ATP13A5: variants seen among roughly 807,000 people sequenced by gnomAD.
ATP13A5 encodes probable cation-transporting ATPase 13A5.
ATP13A5 carries 149 observed loss-of-function variants against 150.2 expected under a neutral mutation model. The observed-to-expected ratio is 0.99, with a 90% CI of 0.87 to 1.14. The LOEUF is 1.14. Among genes scored for constraint, ATP13A5 ranks in the 50% most tolerant of loss-of-function variants. The probability of loss-of-function intolerance (pLI) is 0.00; values close to 1 mark genes in which losing one functional copy is unlikely to be tolerated. For missense variants in ATP13A5, 1,383 were observed against 1,449.3 expected, an observed-to-expected ratio of 0.95 and a Z score of 0.74; for synonymous variants, 497 against 522.2, an observed-to-expected ratio of 0.95 and a Z score of 0.66.
chr3:193,334,909 C>CA lies in ATP13A5; in HGVS notation c.1114+19dup. 6.3e-7 allele frequency: 1 copy of CA among 1,599,520 alleles called. No homozygotes were observed. Among genetic ancestry groups the CA allele is most frequent in the Non-Finnish European group, 8.5e-7 (1 of 1,170,008 alleles). The stretch of plus-strand genomic sequence containing the variant: ...CATGTTCAAGCATGAATTAAACTTA[C>CA]AAAAGTGGAATCCACTAACCTGTTT... On this transcript the variant is annotated intron_variant, in intron 10 of 29. Coordinates refer to ENST00000342358, the MANE Select transcript of ATP13A5 (RefSeq NM_198505.4).
intron 15 of ATP13A5, 146 bp downstream of exon 15, chr3:193,322,345 A>C: frequency 1.4e-6 from 1 of 693,514 alleles, no homozygotes; most frequent in Admixed American, 2.4e-5. Context: ...TAATAGACAA[A>C]TTCGGAAATG....
intron 7 of ATP13A5, among the ~76,000 whole-genome samples, chr3:193,350,291 C>T (rs1326567216): frequency 1.3e-5 from 2 of 151,844 alleles, no homozygotes; most frequent in African/African-American, 4.8e-5. Flanking sequence ...TATCTGGGAC[C>T]TTCGTGTTTG....
intron 23 of ATP13A5, among the ~76,000 whole-genome samples, chr3:193,303,900 T>C (rs974960142): frequency 1.2e-4 from 17 of 145,678 alleles, no homozygotes; most frequent in South Asian, 8.6e-4. Flanking sequence ...TACATACACA[T>C]ACACACACAC....
chr3:193,336,925 C>G (rs1353637986), intron 9 of ATP13A5, among the ~76,000 whole-genome samples: 1 of 152,104 alleles, frequency 6.6e-6, no homozygotes, highest in Non-Finnish European at 1.5e-5. Context: ...TAATGATTGC[C>G]ATTCTAACTG....
At chr3:193,357,646 T>A (rs534497537) in intron 5 of ATP13A5, among the ~76,000 whole-genome samples, 1 of 152,324 alleles carries the variant, frequency 6.6e-6, no homozygotes, top group East Asian at 1.9e-4. Context: ...GGCCCCAGAT[T>A]GTTCCAGCAG....
rs778409765 is a variant in ATP13A5 at position 193,310,682 on chromosome 3, A to G, written c.2481T>C (p.Ser827=). ...LVNGTVFARM[S]PGQKSSLIEE... ...CAATAAGGCTTGATTTCTGCCCAGG[A>G]GACATTCTTGCAAAAACTGTTCCAT... Residue 827 remains serine (S), a synonymous_variant, in exon 21 of 30, where the codon TCT becomes TCC. Coordinates refer to ENST00000342358, the MANE Select transcript of ATP13A5 (RefSeq NM_198505.4). The G allele has an allele frequency of 6.2e-7, 1 of 1,610,500 alleles. No homozygotes were observed. Among genetic ancestry groups the G allele is most frequent in the Admixed American group, 1.7e-5 (1 of 59,180 alleles).
At chr3:193,355,035 C>T (rs1712728053) in intron 5 of ATP13A5, among the ~76,000 whole-genome samples, 2 of 151,342 alleles carry the variant, frequency 1.3e-5, no homozygotes, top group African/African-American at 2.4e-5. Flanking sequence ...CAGGTTCAAG[C>T]GATTCTCCTG....
intron 23 of ATP13A5, among the ~76,000 whole-genome samples, chr3:193,304,532 G>C (rs1477261874): frequency 6.6e-6 from 1 of 152,118 alleles, no homozygotes; most frequent in Non-Finnish European, 1.5e-5. Context: ...ATCTGGTGAT[G>C]GTTTTCAGAT....
chr3:193,375,508 C>A (rs1203746238), intron 1 of ATP13A5, among the ~76,000 whole-genome samples: 2 of 152,098 alleles, frequency 1.3e-5, no homozygotes, highest in African/African-American at 2.4e-5. Context: ...AACACCTGGG[C>A]AGGGCAGATT....
At chr3:193,338,604 G>C (rs1389650678) in intron 9 of ATP13A5, among the ~76,000 whole-genome samples, 1 of 152,196 alleles carries the variant, frequency 6.6e-6, no homozygotes, top group South Asian at 2.1e-4. Context: ...TGGTGGATAA[G>C]CTTTTTGATG....
chr3:193,325,677 C>T (rs1352048825), intron 13 of ATP13A5, among the ~76,000 whole-genome samples: 2 of 152,194 alleles, frequency 1.3e-5, no homozygotes, highest in East Asian at 1.9e-4. Flanking sequence ...GATGCAGAAG[C>T]ATTTTTCACG....
rs538120305 is a variant in ATP13A5 at position 193,328,984 on chromosome 3, C to T, written c.1462-1927G>A. Among the ~76,000 whole-genome samples the T allele has an allele frequency of 2.0e-4, 31 of 152,278 alleles. No individual in the cohort carries two copies. In the South Asian group the frequency reaches 2.5e-3, roughly 12 times the overall value. ...GAGATGGGCCGGGCACGGTGGCTCACGCCTGTAATCCCAGCACTTTGGGAG... is the reference window on the plus strand; with the variant it reads ...GAGATGGGCCGGGCACGGTGGCTCATGCCTGTAATCCCAGCACTTTGGGAG... On this transcript the variant is annotated intron_variant, in intron 12 of 29. Transcript: ENST00000342358.
intron 28 of ATP13A5, among the ~76,000 whole-genome samples, chr3:193,278,474 C>A (rs1717326906): frequency 6.6e-6 from 1 of 152,178 alleles, no homozygotes; most frequent in African/African-American, 2.4e-5. Context: ...TTTAGCCAGT[C>A]TTCTAGTGCT....
At chr3:193,326,078 G>C (rs1172453663) in intron 13 of ATP13A5, among the ~76,000 whole-genome samples, 1 of 152,180 alleles carries the variant, frequency 6.6e-6, no homozygotes, top group African/African-American at 2.4e-5. Context: ...CTTGTCTGCT[G>C]TTACCTTGTG....
intron 1 of ATP13A5, among the ~76,000 whole-genome samples, chr3:193,368,101 A>G (rs1228532890): frequency 6.6e-6 from 1 of 152,168 alleles, no homozygotes; most frequent in Non-Finnish European, 1.5e-5. Flanking sequence ...ACAAAGTATA[A>G]GAGTTAATAA....
chr3:193,296,433 A>T (rs1169050173), intron 25 of ATP13A5, among the ~76,000 whole-genome samples: 1 of 152,090 alleles, frequency 6.6e-6, no homozygotes, highest in Non-Finnish European at 1.5e-5. Flanking sequence ...ACCACTTATT[A>T]AATAGGGAAT....
At chr3:193,317,503 C>T (rs1474569670) in intron 17 of ATP13A5, among the ~76,000 whole-genome samples, 1 of 152,124 alleles carries the variant, frequency 6.6e-6, no homozygotes, top group African/African-American at 2.4e-5. Context: ...AAGGGGTGAG[C>T]CTTGATGGAG....
chr3:193,278,098 C>G (rs1717310399), intron 28 of ATP13A5, among the ~76,000 whole-genome samples: 1 of 152,222 alleles, frequency 6.6e-6, no homozygotes, highest in African/African-American at 2.4e-5. Flanking sequence ...GCCACCATGC[C>G]TGACCCTGGA....
intron 5 of ATP13A5, among the ~76,000 whole-genome samples, chr3:193,356,330 G>A (rs946450766): frequency 4.6e-5 from 7 of 151,844 alleles, no homozygotes; most frequent in Admixed American, 1.3e-4. Context: ...AGAGGACATC[G>A]ATACATTCCG....
Sources: gnomAD v4.1 joint callset for allele counts (sites outside exome capture counted in the v4.1 genomes callset) on GRCh38, gnomAD v4.1.1 for gene constraint, MANE v1.5 for transcripts, NCBI Gene and HGNC (gene_info 2026-07-23, HGNC 2026-07-21) for gene names.